GRID1: variants seen among roughly 807,000 people sequenced by gnomAD.
GRID1 encodes the protein glutamate ionotropic receptor delta type subunit 1, also known as glutamate receptor ionotropic, delta-1.
Under a neutral mutation model 98.0 loss-of-function variants are expected in GRID1, and 28 were observed. That is an observed-to-expected ratio of 0.29 (90% CI 0.21 to 0.39). The LOEUF (loss-of-function observed/expected upper bound fraction) is 0.39. GRID1 is among the 10% of genes least tolerant of loss of function. The probability of loss-of-function intolerance (pLI) is 1.00; values close to 1 mark genes in which losing one functional copy is unlikely to be tolerated. For missense variants in GRID1, 1,111 were observed against 1,340.5 expected (o/e 0.83, Z 2.67); for synonymous variants, 553 against 538.5 (o/e 1.03, Z -0.37).
intron 4 of GRID1, among the ~76,000 whole-genome samples, chr10:85,939,064 A>G (rs1440812780): frequency 1.3e-5 from 2 of 152,150 alleles, no homozygotes; most frequent in Non-Finnish European, 2.9e-5. Flanking sequence ...CTGGAGGCCA[A>G]CCCTCAGCAG....
At chr10:86,034,232 G>A (rs59921395) in intron 4 of GRID1, among the ~76,000 whole-genome samples, 3,480 of 152,280 alleles carry the variant, frequency 0.023, 142 homozygotes, top group African/African-American at 0.079. Flanking sequence ...GCTGAATTGA[G>A]AGTGTTAAAT....
intron 2 of GRID1, among the ~76,000 whole-genome samples, chr10:86,315,272 G>A (rs892837031): frequency 2.6e-5 from 4 of 152,080 alleles, no homozygotes; most frequent in Admixed American, 2.0e-4. Flanking sequence ...TCCAGCCCCC[G>A]CCCCCAATAG....
chr10:85,992,688 G>C (rs957651978), intron 4 of GRID1, among the ~76,000 whole-genome samples: 1 of 152,136 alleles, frequency 6.6e-6, no homozygotes, highest in East Asian at 1.9e-4. Flanking sequence ...AGTGGCTCAC[G>C]TTTGTAATTC....
intron 15 of GRID1, among the ~76,000 whole-genome samples, chr10:85,607,685 G>A (rs371074948): frequency 1.4e-4 from 21 of 152,234 alleles, no homozygotes; most frequent in African/African-American, 4.6e-4. Context: ...CAGGTGCACC[G>A]AGGAATGACT....
At chr10:86,261,973 T>C (rs546410377) in intron 2 of GRID1, among the ~76,000 whole-genome samples, 18 of 152,374 alleles carry the variant, frequency 1.2e-4, no homozygotes, top group African/African-American at 3.6e-4. Flanking sequence ...TCACTCTTCA[T>C]GCCAGTCTCA....
chr10:85,874,013 A>G (rs1252370970), intron 5 of GRID1, among the ~76,000 whole-genome samples: 1 of 152,158 alleles, frequency 6.6e-6, no homozygotes, highest in African/African-American at 2.4e-5. Context: ...ACTATATTAC[A>G]ATTTATTCAC....
intron 2 of GRID1, among the ~76,000 whole-genome samples, chr10:86,292,757 TGTGA>T (rs925549443): frequency 9.9e-5 from 15 of 150,774 alleles, no homozygotes; most frequent in Non-Finnish European, 5.9e-5. Context: ...CGGGAGTGGG[TGTGA>T]GTGTGACGGT....
chr10:86,309,463 T>G (rs972243612), intron 2 of GRID1, among the ~76,000 whole-genome samples: 1 of 152,224 alleles, frequency 6.6e-6, no homozygotes, highest in Non-Finnish European at 1.5e-5. Context: ...AAAGGGATCA[T>G]GCCTGCATGC....
chr10:85,800,900 C>A (rs1419562812), intron 8 of GRID1, among the ~76,000 whole-genome samples: 1 of 151,714 alleles, frequency 6.6e-6, no homozygotes, highest in East Asian at 1.9e-4. Context: ...ATTGCTGGAG[C>A]CAGAATCTGG....
At chr10:85,917,829 C>T (rs1216142679) in intron 4 of GRID1, among the ~76,000 whole-genome samples, 4 of 152,202 alleles carry the variant, frequency 2.6e-5, no homozygotes, top group Non-Finnish European at 2.9e-5. Flanking sequence ...CTCAGTTAAC[C>T]GGGCTCTCTC....
chr10:85,688,508 A>G (rs1415522722), intron 12 of GRID1, among the ~76,000 whole-genome samples: 1 of 152,168 alleles, frequency 6.6e-6, no homozygotes, highest in Admixed American at 6.5e-5. Flanking sequence ...GCCATCACAC[A>G]TGACCTAGAA....
chr10:86,103,009 C>T (rs1844321349), intron 4 of GRID1, among the ~76,000 whole-genome samples: 3 of 152,048 alleles, frequency 2.0e-5, no homozygotes, highest in Non-Finnish European at 4.4e-5. Flanking sequence ...GCCTTTGCTG[C>T]TCCTTCACCT....
At chr10:85,975,329 G>A (rs565272809) in intron 4 of GRID1, among the ~76,000 whole-genome samples, 9 of 152,180 alleles carry the variant, frequency 5.9e-5, no homozygotes, top group East Asian at 5.8e-4. Context: ...CAGGGCTTGC[G>A]CAGCCTTTCC....
intron 3 of GRID1, among the ~76,000 whole-genome samples, chr10:86,160,023 A>G (rs1845299185): frequency 6.6e-6 from 1 of 151,916 alleles, no homozygotes; most frequent in Non-Finnish European, 1.5e-5. Flanking sequence ...ATAACCATCA[A>G]CATCACCACC....
At chr10:86,261,720 C>T (rs962885685) in intron 2 of GRID1, among the ~76,000 whole-genome samples, 1 of 152,158 alleles carries the variant, frequency 6.6e-6, no homozygotes, top group African/African-American at 2.4e-5. Context: ...CTGGATGCAG[C>T]AAAACCCCAG....
At chr10:86,047,544 C>A (rs750038410) in intron 4 of GRID1, among the ~76,000 whole-genome samples, 1 of 152,186 alleles carries the variant, frequency 6.6e-6, no homozygotes, top group Non-Finnish European at 1.5e-5. Flanking sequence ...ATTGCCCAGC[C>A]TAAACAGAGT....
chr10:86,341,624 A>C (rs966795788), intron 2 of GRID1, among the ~76,000 whole-genome samples: 2 of 152,144 alleles, frequency 1.3e-5, no homozygotes, highest in Non-Finnish European at 2.9e-5. Context: ...AGAACATGTC[A>C]CAAAACCACG....
At chr10:85,608,495 A>G (rs1310637963) in intron 15 of GRID1, among the ~76,000 whole-genome samples, 1 of 152,222 alleles carries the variant, frequency 6.6e-6, no homozygotes, top group African/African-American at 2.4e-5. Flanking sequence ...CATTCATTCA[A>G]TAAACGTGTT....
intron 4 of GRID1, among the ~76,000 whole-genome samples, chr10:86,072,677 T>C (rs1442073377): frequency 6.6e-6 from 1 of 152,216 alleles, no homozygotes; most frequent in Non-Finnish European, 1.5e-5. Flanking sequence ...ACATCTCTCC[T>C]TTTTAACGTC....
Sources: allele counts gnomAD v4.1 joint callset (sites outside exome capture counted in the v4.1 genomes callset), GRCh38; gene constraint gnomAD v4.1.1; transcripts MANE v1.5; gene names NCBI Gene and HGNC (gene_info 2026-07-23, HGNC 2026-07-21).